The following SYT16 variants were observed in gnomAD, a reference collection of about 807,000 sequenced individuals.
The protein encoded by SYT16 is synaptotagmin 16, also known as synaptotagmin-16.
SYT16 carries 42 observed loss-of-function variants against 61.4 expected under a neutral mutation model. That is an observed-to-expected ratio of 0.68 (90% CI 0.53 to 0.89). The LOEUF is 0.89. SYT16 is among the 40% of genes least tolerant of loss of function. SYT16 has a pLI of 0.00. For synonymous variants in SYT16, 314 were observed against 302.3 expected, an observed-to-expected ratio of 1.04 and a Z score of -0.40; for missense variants, 804 against 807.3, an observed-to-expected ratio of 1.00 and a Z score of 0.05.
chr14:62,003,996 A>T (rs1176436646), intron 3 of SYT16, among the ~76,000 whole-genome samples: 1 of 152,176 alleles, frequency 6.6e-6, no homozygotes, highest in African/African-American at 2.4e-5. Flanking sequence ...GGGATGGATC[A>T]TGAGGCTAGA....
At chr14:61,991,067 T>G (rs767254990) in intron 2 of SYT16, among the ~76,000 whole-genome samples, 2 of 152,156 alleles carry the variant, frequency 1.3e-5, no homozygotes, top group Non-Finnish European at 2.9e-5. Context: ...TACTAATTCT[T>G]TCTTAGATTG....
At chr14:61,864,112 A>G (rs1204130669) in intron 1 of SYT16, among the ~76,000 whole-genome samples, 1 of 152,238 alleles carries the variant, frequency 6.6e-6, no homozygotes, top group Admixed American at 6.5e-5. Flanking sequence ...GGAGGAATAT[A>G]CTTTTGTATG....
intron 3 of SYT16, among the ~76,000 whole-genome samples, chr14:62,007,705 G>A (rs1028061641): frequency 6.6e-6 from 1 of 151,982 alleles, no homozygotes; most frequent in African/African-American, 2.4e-5. Flanking sequence ...TTTGACTTCT[G>A]GATGTTGTTA....
At chr14:61,864,078 C>T (rs2047052204) in intron 1 of SYT16, among the ~76,000 whole-genome samples, 1 of 152,212 alleles carries the variant, frequency 6.6e-6, no homozygotes, top group Non-Finnish European at 1.5e-5. Context: ...ATGGACTATT[C>T]TGGTAATTTG....
chr14:61,893,629 CA>C (rs2048215120), intron 1 of SYT16, among the ~76,000 whole-genome samples: 1 of 152,194 alleles, frequency 6.6e-6, no homozygotes, highest in South Asian at 2.1e-4. Flanking sequence ...TTTTACTTAG[CA>C]ACTCAGTGAA....
chr14:62,080,886 C>G lies in SYT16; in HGVS notation c.1046C>G (p.Ser349Ter). 4 of 1,604,924 alleles carry G rather than the reference C, an allele frequency of 2.5e-6. No homozygotes were observed. The highest frequency in any genetic ancestry group is 2.6e-6 in the Non-Finnish European group (3 of 1,175,640). ...QVPSGVSEPI[S>*]KCGDLDVIFE... ...CCATCCGGGGTCTCAGAGCCCATCT[C>G]AAAGTGTGGTGACCTAGATGTCATC... The change falls in exon 6 of 8, where the codon TCA becomes TGA. Residue 349 changes from serine (S) to a stop codon, truncating the protein, a stop_gained. Coordinates refer to ENST00000683842, the MANE Select transcript of SYT16 (RefSeq NM_001367656.1). LOFTEE classifies it high-confidence loss of function.
At chr14:62,045,991 T>C (rs1231280285) in intron 3 of SYT16, among the ~76,000 whole-genome samples, 3 of 152,210 alleles carry the variant, frequency 2.0e-5, no homozygotes, top group South Asian at 2.1e-4. Flanking sequence ...CTGGGTCAAA[T>C]GGTATTTCTA....
intron 1 of SYT16, among the ~76,000 whole-genome samples, chr14:61,871,983 C>T (rs771259449): frequency 1.1e-4 from 16 of 151,934 alleles, no homozygotes; most frequent in Non-Finnish European, 1.6e-4. Flanking sequence ...CATTTTCTTA[C>T]CAGTAAAATG....
At chr14:61,925,313 CT>C (rs1387122513) in intron 1 of SYT16, among the ~76,000 whole-genome samples, 1 of 152,120 alleles carries the variant, frequency 6.6e-6, no homozygotes, top group Non-Finnish European at 1.5e-5. Flanking sequence ...GAAAAGAGAG[CT>C]TTTTGGCAGT....
chr14:62,078,153 CTCTA>C (rs1449137435), intron 5 of SYT16, among the ~76,000 whole-genome samples: 16 of 101,748 alleles, frequency 1.6e-4, no homozygotes, highest in East Asian at 4.8e-4. Flanking sequence ...CTCTCTCTCT[CTCTA>C]TATATATATA....
intron 3 of SYT16, among the ~76,000 whole-genome samples, chr14:62,038,358 CA>C (rs1344023311): frequency 6.6e-6 from 1 of 151,644 alleles, no homozygotes; most frequent in Admixed American, 6.6e-5. Flanking sequence ...CAAAATCCAT[CA>C]GGGGTGCCTG....
At position 62,066,337 on chromosome 14, in the gene SYT16, T is replaced by C. The variant is rs115117941; in HGVS notation, c.524-3266T>C. On this transcript the variant is annotated intron_variant, in intron 3 of 7. Transcript: ENST00000683842. ...AATCAGATCTTGGTTCTGCTCTTAATTGACGGTGTGATCTTCTGCCAGCTG... is the reference window on the plus strand; with the variant it reads ...AATCAGATCTTGGTTCTGCTCTTAACTGACGGTGTGATCTTCTGCCAGCTG... Among the ~76,000 whole-genome samples, 460 of 152,348 alleles carry C rather than the reference T, an allele frequency of 3.0e-3. 3 individuals are homozygous for C. The highest frequency in any genetic ancestry group is 9.4e-3 in the African/African-American group (391 of 41,576).
chr14:61,832,568 C>T (rs2045975027), intron 1 of SYT16, among the ~76,000 whole-genome samples: 1 of 152,172 alleles, frequency 6.6e-6, no homozygotes, highest in African/African-American at 2.4e-5. Flanking sequence ...TCCCGAGTAG[C>T]TGGGATTGCA....
At chr14:62,038,885 C>T (rs1282719575) in intron 3 of SYT16, among the ~76,000 whole-genome samples, 3 of 152,178 alleles carry the variant, frequency 2.0e-5, no homozygotes, top group African/African-American at 4.8e-5. Flanking sequence ...ATGAGGAGCA[C>T]ATGATAATGC....
intron 1 of SYT16, among the ~76,000 whole-genome samples, chr14:61,862,954 A>C (rs1449489670): frequency 6.6e-6 from 1 of 152,096 alleles, no homozygotes; most frequent in Non-Finnish European, 1.5e-5. Context: ...TTGATAGCTT[A>C]TTTCTTTTTA....
chr14:61,870,829 C>G (rs1484784701), intron 1 of SYT16, among the ~76,000 whole-genome samples: 1 of 152,012 alleles, frequency 6.6e-6, no homozygotes, highest in African/African-American at 2.4e-5. Context: ...TCTCAATATG[C>G]CTTTGTGGAG....
At chr14:61,886,620 C>T (rs1198985004) in intron 1 of SYT16, among the ~76,000 whole-genome samples, 1 of 152,186 alleles carries the variant, frequency 6.6e-6, no homozygotes, top group Non-Finnish European at 1.5e-5. Flanking sequence ...TCTTTAGGCT[C>T]CACGTCTAAT....
intron 1 of SYT16, among the ~76,000 whole-genome samples, chr14:61,898,782 C>G (rs2048414310): frequency 6.6e-6 from 1 of 152,088 alleles, no homozygotes; most frequent in South Asian, 2.1e-4. Context: ...ACTCCGGGAG[C>G]TATTTGAGAA....
intron 1 of SYT16, among the ~76,000 whole-genome samples, chr14:61,936,681 C>T (rs2049995843): frequency 6.6e-6 from 1 of 152,116 alleles, no homozygotes; most frequent in Non-Finnish European, 1.5e-5. Context: ...CTCCCTGTGC[C>T]ACCTGTCTGT....
Sources: allele counts gnomAD v4.1 joint callset (sites outside exome capture counted in the v4.1 genomes callset), GRCh38; gene constraint gnomAD v4.1.1; transcripts MANE v1.5; gene names NCBI Gene and HGNC (gene_info 2026-07-23, HGNC 2026-07-21).